The following MYOM2 variants were observed in gnomAD, a reference collection of about 807,000 sequenced individuals.
The protein encoded by MYOM2 is myomesin-2.
Under a neutral mutation model 187.6 loss-of-function variants are expected in MYOM2, and 254 were observed. The observed-to-expected ratio is 1.35, with a 90% CI of 1.22 to 1.50. The LOEUF (loss-of-function observed/expected upper bound fraction) is 1.50. Ranked by LOEUF, MYOM2 falls within the 40% of genes most tolerant of loss-of-function variation. MYOM2 has a pLI of 0.00. For missense variants in MYOM2, 2,796 were observed against 1,924.0 expected, an observed-to-expected ratio of 1.45 and a Z score of -8.48; for synonymous variants, 981 against 753.8, an observed-to-expected ratio of 1.30 and a Z score of -4.94.
At position 2,073,505 on chromosome 8, in the gene MYOM2, G is replaced by C. The variant is rs376173073; in HGVS notation, c.1120+5G>C. The C allele has an allele frequency of 4.4e-6, 7 of 1,594,148 alleles. No homozygotes were observed. The East Asian group carries it at 6.7e-5, about 15-fold the overall frequency. ...GCGCCTTCCTGTTTGTCAGAGGTGC[G>C]GGCAGCAGGGTTCTCAGGGTGCAGA... On this transcript the variant is annotated splice_donor_5th_base_variant and intron_variant, in intron 10 of 36. Coordinates refer to ENST00000262113, the MANE Select transcript of MYOM2 (RefSeq NM_003970.4).
Position 2,093,975 on chromosome 8 carries a change from T to C in MYOM2, c.2009T>C (p.Val670Ala). 6.2e-7 allele frequency: 1 copy of C among 1,614,052 alleles called. No homozygotes were observed. Among genetic ancestry groups the C allele is most frequent in the Non-Finnish European group, 8.5e-7 (1 of 1,179,998 alleles). The change falls in exon 17 of 37, where the codon GTG becomes GCG. Residue 670 changes from valine (V) to alanine (A), a missense_variant. Val to Ala is a moderately conservative substitution (Grantham distance 64, BLOSUM62 0). Transcript: ENST00000262113. ...CTGATCCCTGTGTTTCTCAGGTTCG[T>C]GGTGCACGGCTTAACCACGGGAGAG... Reference protein sequence around the residue: ...NHKPIGYNRFVVHGLTTGEQY... With the variant: ...NHKPIGYNRFAVHGLTTGEQY...
chr8:2,095,981 C>T (rs1796468066), intron 17 of MYOM2, among the ~76,000 whole-genome samples: 1 of 152,196 alleles, frequency 6.6e-6, no homozygotes, highest in Non-Finnish European at 1.5e-5. Context: ...TTAAACCGTT[C>T]ATCCTATGGA....
At chr8:2,143,026 G>A (rs1180029934) in intron 35 of MYOM2, among the ~76,000 whole-genome samples, 3 of 152,080 alleles carry the variant, frequency 2.0e-5, no homozygotes, top group Non-Finnish European at 4.4e-5. Context: ...AAAGTGTTGG[G>A]ATTACAGGCG....
At chr8:2,116,950 G>A (rs1347563036) in intron 27 of MYOM2, among the ~76,000 whole-genome samples, 1 of 9,652 alleles carries the variant, frequency 1.0e-4, no homozygotes, top group Non-Finnish European at 2.1e-4. Context: ...TAGTAGAGAC[G>A]GACGGGGTTT....
Position 2,098,944 on chromosome 8 carries a change from G to T in MYOM2, c.2401G>T (p.Glu801Ter). The change falls in exon 19 of 37, where the codon GAG becomes TAG. Residue 801 changes from glutamate to a stop codon, truncating the protein, a stop_gained. Coordinates refer to ENST00000262113, the MANE Select transcript of MYOM2 (RefSeq NM_003970.4). LOFTEE classifies it high-confidence loss of function. ...CATCGGGGAGCCCTCAGATCCCAGTGAGCACTTCAAGTGTGAGGCCTGGAC... is the reference window on the plus strand; with the variant it reads ...CATCGGGGAGCCCTCAGATCCCAGTTAGCACTTCAAGTGTGAGGCCTGGAC... ...AGIGEPSDPS[E>*]HFKCEAWTMP... The T allele has an allele frequency of 6.2e-7, 1 of 1,613,580 alleles. No homozygotes were observed. The highest frequency in any genetic ancestry group is 8.5e-7 in the Non-Finnish European group (1 of 1,179,852).
chr8:2,090,482 A>T (rs1359160282), intron 15 of MYOM2, among the ~76,000 whole-genome samples: 1 of 152,166 alleles, frequency 6.6e-6, no homozygotes, highest in Admixed American at 6.5e-5. Flanking sequence ...AAAAACTTTT[A>T]TTTTAGGTTC....
At chr8:2,141,530 G>A (rs974503226) in intron 34 of MYOM2, among the ~76,000 whole-genome samples, 1 of 152,234 alleles carries the variant, frequency 6.6e-6, no homozygotes, top group Non-Finnish European at 1.5e-5. Flanking sequence ...ATTTCGGTCA[G>A]GAGCGCTTTC....
intron 28 of MYOM2, among the ~76,000 whole-genome samples, chr8:2,120,689 A>ATATATATATATT: frequency 1.3e-3 from 57 of 42,356 alleles, no homozygotes; most frequent in Non-Finnish European, 1.5e-3. Context: ...ATTATATATA[A>ATATATATATATT]ATATATAATA....
intron 10 of MYOM2, among the ~76,000 whole-genome samples, chr8:2,074,436 C>T (rs1053834282): frequency 2.0e-5 from 3 of 151,976 alleles, no homozygotes; most frequent in African/African-American, 7.2e-5. Flanking sequence ...AGGGGCCCAC[C>T]TACTCCCACT....
At chr8:2,125,699 C>T (rs1191010770) in intron 31 of MYOM2, among the ~76,000 whole-genome samples, 1 of 144,506 alleles carries the variant, frequency 6.9e-6, no homozygotes, top group African/African-American at 2.6e-5. Flanking sequence ...CCTCCATCTC[C>T]TGGGTTCAAG....
intron 2 of MYOM2, 148 bp downstream of exon 2, chr8:2,051,021 C>T: frequency 4.7e-6 from 3 of 633,914 alleles, no homozygotes; most frequent in Non-Finnish European, 8.5e-6. Context: ...GTGCCCAGGT[C>T]CTGCCACGGA....
At chr8:2,084,123 C>G (rs527918946) in intron 13 of MYOM2, among the ~76,000 whole-genome samples, 1 of 152,350 alleles carries the variant, frequency 6.6e-6, no homozygotes, top group South Asian at 2.1e-4. Flanking sequence ...TCTGCATCTT[C>G]TCTCTGGAAT....
At position 2,135,702 on chromosome 8, in the gene MYOM2, C is replaced by T. The variant is rs956405893; in HGVS notation, c.3801-5021C>T. On this transcript the variant is annotated intron_variant, in intron 32 of 36. Coordinates refer to ENST00000262113, the MANE Select transcript of MYOM2 (RefSeq NM_003970.4). ...GGTCATGTTTTGTAATCAAGTAATA[C>T]GAAGAAGAGGTTTTGTCATATTTGG... 2.4e-4 allele frequency among the ~76,000 whole-genome samples: 37 copies of T among 152,212 alleles called. 1 individual carries two copies. The highest frequency in any genetic ancestry group is 2.2e-3 in the Admixed American group (33 of 15,292).
chr8:2,131,976 C>T (rs1797890217), intron 32 of MYOM2, among the ~76,000 whole-genome samples: 1 of 152,114 alleles, frequency 6.6e-6, no homozygotes, highest in African/African-American at 2.4e-5. Context: ...TATAACTAAA[C>T]TATAAGACCT....
At chr8:2,094,782 A>G (rs1796423710) in intron 17 of MYOM2, among the ~76,000 whole-genome samples, 1 of 152,210 alleles carries the variant, frequency 6.6e-6, no homozygotes, top group African/African-American at 2.4e-5. Flanking sequence ...TGTCATATTT[A>G]TGTAACTTTG....
At chr8:2,087,247 T>C (rs1265069895) in intron 14 of MYOM2, among the ~76,000 whole-genome samples, 1 of 152,158 alleles carries the variant, frequency 6.6e-6, no homozygotes, top group African/African-American at 2.4e-5. Flanking sequence ...AGTATGCAAG[T>C]AACAGAGAAT....
intron 25 of MYOM2, among the ~76,000 whole-genome samples, chr8:2,115,700 G>A (rs1797217263): frequency 6.6e-6 from 1 of 152,174 alleles, no homozygotes; most frequent in African/African-American, 2.4e-5. Context: ...TTCTTGGGTA[G>A]GTGTGGAGTC....
chr8:2,137,682 A>G (rs1268778480), intron 32 of MYOM2, among the ~76,000 whole-genome samples: 1 of 152,134 alleles, frequency 6.6e-6, no homozygotes, highest in Admixed American at 6.5e-5. Flanking sequence ...CTGACTCTCA[A>G]CAGAAGAGTT....
At chr8:2,057,318 G>T in intron 3 of MYOM2, 30 bp from the exon 4 acceptor site, 2 of 1,582,820 alleles carry the variant, frequency 1.3e-6, no homozygotes, top group South Asian at 2.3e-5. Flanking sequence ...CGTGACTCCT[G>T]CAACTGAGGC....
Sources: gnomAD v4.1 joint callset for allele counts (sites outside exome capture counted in the v4.1 genomes callset) on GRCh38, gnomAD v4.1.1 for gene constraint, MANE v1.5 for transcripts, NCBI Gene and HGNC (gene_info 2026-07-23, HGNC 2026-07-21) for gene names.